The following SLIT1 variants were observed in gnomAD, a reference collection of about 807,000 sequenced individuals.
SLIT1 encodes slit guidance ligand 1.
SLIT1 carries 66 observed loss-of-function variants against 186.1 expected under a neutral mutation model. The observed-to-expected ratio is 0.35, with a 90% confidence interval of 0.29 to 0.44. SLIT1 has a LOEUF of 0.44. Among genes scored for constraint, SLIT1 ranks in the 20% least tolerant of loss-of-function variants. The pLI is 1.00. For synonymous variants in SLIT1, 761 were observed against 833.8 expected, an observed-to-expected ratio of 0.91 and a Z score of 1.50; for missense variants, 1,638 against 2,037.4, an observed-to-expected ratio of 0.80 and a Z score of 3.77.
chr10:97,082,711 G>A (rs1849117601), intron 4 of SLIT1, among the ~76,000 whole-genome samples: 1 of 152,198 alleles, frequency 6.6e-6, no homozygotes, highest in Non-Finnish European at 1.5e-5. Context: ...TGGGATTACA[G>A]GAGTGAGCCA....
intron 4 of SLIT1, among the ~76,000 whole-genome samples, chr10:97,101,002 ACC>A (rs1420873655): frequency 1.3e-5 from 2 of 152,084 alleles, no homozygotes; most frequent in African/African-American, 4.8e-5. Context: ...AAGGGAATGG[ACC>A]TCTCTGTGCA....
At chr10:97,119,738 G>A (rs1277610811) in intron 4 of SLIT1, among the ~76,000 whole-genome samples, 2 of 151,438 alleles carry the variant, frequency 1.3e-5, no homozygotes, top group African/African-American at 4.9e-5. Context: ...GGCAGCCAGC[G>A]AGGAAGACAA....
At chr10:97,110,708 G>A (rs1015984155) in intron 4 of SLIT1, among the ~76,000 whole-genome samples, 5 of 152,194 alleles carry the variant, frequency 3.3e-5, no homozygotes, top group African/African-American at 4.8e-5. Context: ...CAGTAGAGAG[G>A]TTCCCTCTGG....
intron 4 of SLIT1, among the ~76,000 whole-genome samples, chr10:97,117,057 C>T (rs950309760): frequency 7.2e-5 from 11 of 152,286 alleles, no homozygotes; most frequent in African/African-American, 2.6e-4. Flanking sequence ...TCCCTAACTA[C>T]AGTGGGTGGC....
chr10:97,094,472 A>T (rs7918584), intron 4 of SLIT1, among the ~76,000 whole-genome samples: 34 of 152,200 alleles, frequency 2.2e-4, no homozygotes, highest in African/African-American at 7.7e-4. Context: ...CTCCAAAACT[A>T]GCCAAATTCT....
At chr10:97,037,636 G>A in intron 22 of SLIT1, 62 bp downstream of exon 22, 1 of 1,305,302 alleles carries the variant, frequency 7.7e-7, no homozygotes, top group Non-Finnish European at 1.1e-6. Flanking sequence ...TTCCAGGAAA[G>A]CCGGAGTCCT....
chr10:97,047,023 C>T lies in SLIT1; in HGVS notation c.1677G>A (p.Gly559=), dbSNP rs1183592072. ...TCAGATGTGTAAGTTTTTTAAACAT[C>T]CCAGTGGCCTCCAGGATGGAAATCT... is the stretch of plus-strand genomic sequence containing the variant. The part of the protein sequence containing the change: ...NNEISILEAT[G]MFKKLTHLKK... The change falls in exon 17 of 37, where the codon GGG becomes GGA. Residue 559 remains glycine (G), a synonymous_variant. Transcript: ENST00000266058. 4 of 1,612,660 alleles carry T rather than the reference C, an allele frequency of 2.5e-6. No homozygotes were observed. The highest frequency in any genetic ancestry group is 3.4e-6 in the Non-Finnish European group (4 of 1,178,776).
At chr10:97,014,917 A>G (rs1347009866) in intron 28 of SLIT1, among the ~76,000 whole-genome samples, 2 of 151,352 alleles carry the variant, frequency 1.3e-5, no homozygotes, top group Non-Finnish European at 1.5e-5. Flanking sequence ...CTAGTCTTCT[A>G]TAGGGGCCCT....
intron 28 of SLIT1, 82 bp from the exon 29 acceptor site, chr10:97,014,240 T>C (rs1188029575): frequency 9.9e-6 from 15 of 1,521,558 alleles, no homozygotes; most frequent in Non-Finnish European, 1.3e-5. Flanking sequence ...ATATCACCAT[T>C]CCACGGAGTT....
chr10:97,105,931 C>T (rs892912979), intron 4 of SLIT1, among the ~76,000 whole-genome samples: 2 of 152,252 alleles, frequency 1.3e-5, no homozygotes, highest in Non-Finnish European at 2.9e-5. Flanking sequence ...GAAAGGCATG[C>T]AGGAGGTCAG....
chr10:97,180,960 G>C (rs1206115386), intron 1 of SLIT1, among the ~76,000 whole-genome samples: 1 of 152,172 alleles, frequency 6.6e-6, no homozygotes. Context: ...TGAGGTAGTA[G>C]GTGTTATCAG....
At chr10:97,042,297 A>G (rs977449779) in intron 20 of SLIT1, among the ~76,000 whole-genome samples, 2 of 152,098 alleles carry the variant, frequency 1.3e-5, no homozygotes, top group African/African-American at 4.8e-5. Context: ...AGCCAGGGAG[A>G]AATTCCCTGC....
At chr10:97,007,461 A>G (rs1353710987) in intron 31 of SLIT1, among the ~76,000 whole-genome samples, 1 of 152,202 alleles carries the variant, frequency 6.6e-6, no homozygotes, top group African/African-American at 2.4e-5. Flanking sequence ...TTACCCCAAT[A>G]CCAAAACCAA....
chr10:97,025,730 A>G (rs1198304571), intron 25 of SLIT1, among the ~76,000 whole-genome samples: 2 of 152,232 alleles, frequency 1.3e-5, no homozygotes, highest in African/African-American at 4.8e-5. Flanking sequence ...GATCTCTGGC[A>G]TAATATGGAA....
chr10:97,133,579 C>T (rs773368647), intron 4 of SLIT1, among the ~76,000 whole-genome samples: 12 of 152,030 alleles, frequency 7.9e-5, no homozygotes, highest in Admixed American at 2.6e-4. Flanking sequence ...TTCTGGAGAT[C>T]GGGTCCACAA....
At chr10:97,169,146 G>T (rs2134734419) in intron 1 of SLIT1, among the ~76,000 whole-genome samples, 1 of 152,240 alleles carries the variant, frequency 6.6e-6, no homozygotes, top group South Asian at 2.1e-4. Flanking sequence ...AGCAAGGCAG[G>T]CACAGCCTCT....
At chr10:97,035,286 G>A (rs933683801) in intron 22 of SLIT1, among the ~76,000 whole-genome samples, 1 of 152,118 alleles carries the variant, frequency 6.6e-6, no homozygotes, top group Non-Finnish European at 1.5e-5. Flanking sequence ...AGTCCAATCT[G>A]GGTGCCCTCG....
intron 1 of SLIT1, among the ~76,000 whole-genome samples, chr10:97,167,819 G>T (rs1850139948): frequency 1.3e-5 from 2 of 152,202 alleles, no homozygotes; most frequent in African/African-American, 4.8e-5. Flanking sequence ...AGATCTGATG[G>T]TTTTAAAAAG....
At chr10:97,162,828 TC>T (rs1850047803) in intron 3 of SLIT1, among the ~76,000 whole-genome samples, 1 of 150,910 alleles carries the variant, frequency 6.6e-6, no homozygotes, top group Non-Finnish European at 1.5e-5. Context: ...CCACTATGTT[TC>T]TTTTTTTTTC....
Sources: allele counts gnomAD v4.1 joint callset (sites outside exome capture counted in the v4.1 genomes callset), GRCh38; gene constraint gnomAD v4.1.1; transcripts MANE v1.5; gene names NCBI Gene and HGNC (gene_info 2026-07-23, HGNC 2026-07-21).